Variants in MCM7 observed in about 807,000 individuals in gnomAD.
MCM7 encodes the protein minichromosome maintenance complex component 7.
In MCM7, 95 loss-of-function variants were observed where a neutral mutation model predicts 83.5. The ratio of observed to expected loss-of-function variants is 1.14; its 90% CI spans 0.96 to 1.35. MCM7 has a LOEUF of 1.35. Among genes scored for constraint, MCM7 ranks in the 40% most tolerant of loss-of-function variants. The pLI is 0.00. For missense variants in MCM7, 1,087 were observed against 957.4 expected, an observed-to-expected ratio of 1.14 and a Z score of -1.79; for synonymous variants, 461 against 352.7, an observed-to-expected ratio of 1.31 and a Z score of -3.44.
intron 11 of MCM7, 106 bp downstream of exon 11, chr7:100,095,668 G>T (rs899386697): frequency 1.4e-6 from 2 of 1,443,590 alleles, no homozygotes; most frequent in Admixed American, 2.2e-5. Context: ...CAAAGGGGAG[G>T]CTCTGGGGTT....
At position 100,099,317 on chromosome 7, in the gene MCM7, G is replaced by T; in HGVS notation, c.363C>A (p.Ser121Arg). 6.2e-7 allele frequency: 1 copy of T among 1,613,652 alleles called. No individual in the cohort carries two copies. The highest frequency in any genetic ancestry group is 8.5e-7 in the Non-Finnish European group (1 of 1,179,966). ...GTTCAGCAGGGTACTGGTTCTGGGGGCTTCGGACCATCCCAGGGTCCCGAC... is the reference window on the plus strand; with the variant it reads ...GTTCAGCAGGGTACTGGTTCTGGGGTCTTCGGACCATCCCAGGGTCCCGAC... ...QRSRDPGMVR[S>R]PQNQYPAELM... Residue 121 changes from serine to arginine, a missense_variant, in exon 4 of 15, where the codon AGC (serine) becomes AGA (arginine). Physicochemically the swap from Ser to Arg is moderately radical, Grantham distance 110. Coordinates refer to ENST00000303887, the MANE Select transcript of MCM7 (RefSeq NM_005916.5).
At chr7:100,100,220 T>C in intron 1 of MCM7, 127 bp from the exon 2 acceptor site, 1 of 1,446,614 alleles carries the variant, frequency 6.9e-7, no homozygotes, top group Middle Eastern at 2.5e-4. Flanking sequence ...TACCGAAGTC[T>C]CCCCAAAGTG....
At chr7:100,093,593 C>T (rs760459313) in intron 13 of MCM7, 192 bp from the exon 14 acceptor site, 1 of 773,266 alleles carries the variant, frequency 1.3e-6, no homozygotes. Flanking sequence ...AAGTGCAATG[C>T]CCAGGGCAGC....
rs1795770674 is a variant in MCM7 at position 100,098,634 on chromosome 7, G to A, written c.664C>T (p.Leu222=). ...ATGAATCTGGAGCCCCGTGTCTGCA[G>A]ATACAGCCGCCCTCCTGAGCGGTTG... The part of the protein sequence containing the change: ...QTNRSGGRLY[L]QTRGSRFIKF... Residue 222 remains leucine, a synonymous_variant, in exon 6 of 15, where the codon CTG becomes TTG. Coordinates refer to ENST00000303887, the MANE Select transcript of MCM7 (RefSeq NM_005916.5). The A allele has an allele frequency of 6.2e-7, 1 of 1,614,040 alleles. No homozygotes were observed. Among genetic ancestry groups the A allele is most frequent in the African/African-American group, 1.3e-5 (1 of 74,890 alleles).
At chr7:100,098,819 G>A (rs1795780149) in intron 5 of MCM7, 104 bp from the exon 6 acceptor site, 2 of 1,491,368 alleles carry the variant, frequency 1.3e-6, no homozygotes, top group Non-Finnish European at 1.8e-6. Flanking sequence ...CATCTTGTAA[G>A]TGTCAAGAAC....
Position 100,095,487 on chromosome 7 carries a change from T to A in MCM7, c.1596-17A>T, listed in dbSNP as rs1236073380. On this transcript the variant is annotated splice_polypyrimidine_tract_variant and intron_variant, in intron 11 of 14. Transcript: ENST00000303887. ...TGGGCCAACCTGGACAGAGGGAAGG[T>A]TAGAAGGAACACCCTTTTTAGGGCT... The A allele has an allele frequency of 6.2e-7, 1 of 1,612,338 alleles. No individual in the cohort carries two copies. The highest frequency in any genetic ancestry group is 1.7e-5 in the Admixed American group (1 of 59,894).
chr7:100,093,859 A>G (rs769637008), intron 13 of MCM7: 5 of 642,450 alleles, frequency 7.8e-6, no homozygotes, highest in Middle Eastern at 2.6e-4. Context: ...ACTGAGGTCC[A>G]AGACGGGAGG....
chr7:100,097,617 G>A lies in MCM7; in HGVS notation c.1114C>T (p.Arg372Trp), dbSNP rs1332080071. 4 of 1,613,454 alleles carry A rather than the reference G, an allele frequency of 2.5e-6. No individual in the cohort carries two copies. Among genetic ancestry groups the A allele is most frequent in the Non-Finnish European group, 3.4e-6 (4 of 1,180,012 alleles). ...VDQSPRGMKI[R>W]GNINICLMGD... is the part of the protein sequence containing the mutation. Reference sequence around the variant, plus strand: ...CCTCTCCCTTGTTTCTTCTTACCCCGGATTTTCATGCCTCGAGGAGACTGG... The same window carrying A: ...CCTCTCCCTTGTTTCTTCTTACCCCAGATTTTCATGCCTCGAGGAGACTGG... Residue 372 changes from arginine (R) to tryptophan (W), a missense_variant, in exon 9 of 15, where the codon CGG (arginine) becomes TGG (tryptophan). Arg to Trp is a moderately radical substitution (Grantham distance 101). Transcript: ENST00000303887.
In MCM7 at chr7:100,099,106, C is replaced by T. The variant is rs774362954; in HGVS notation, c.499G>A (p.Val167Ile). The T allele has an allele frequency of 3.1e-6, 5 of 1,613,978 alleles. No individual in the cohort carries two copies. Among genetic ancestry groups the T allele is most frequent in the East Asian group, 2.2e-5 (1 of 44,892 alleles). ...GGTTTGACTTCAGAGACACGAGTGA[C>T]GATTCCACGCACAGTTACCAACTTC... ...VGKLVTVRGI[V>I]TRVSEVKPKM... Residue 167 changes from valine to isoleucine, a missense_variant, in exon 5 of 15, where the codon GTC becomes ATC. Coordinates refer to ENST00000303887, the MANE Select transcript of MCM7 (RefSeq NM_005916.5).
intron 1 of MCM7, chr7:100,100,663 C>T (rs1431722397): frequency 4.0e-6 from 4 of 990,218 alleles, no homozygotes; most frequent in East Asian, 1.1e-4. Flanking sequence ...CCGCCTTTCC[C>T]GGGCCCGAGC....
chr7:100,100,798 C>A, intron 1 of MCM7: 1 of 995,678 alleles, frequency 1.0e-6, no homozygotes, highest in Non-Finnish European at 1.2e-6. Flanking sequence ...GGCTCCACTT[C>A]CGCTCGGAGG....
chr7:100,096,271 T>C, intron 10 of MCM7, 104 bp from the exon 11 acceptor site: 1 of 1,124,104 alleles, frequency 8.9e-7, no homozygotes, highest in South Asian at 1.7e-5. Context: ...CTGGGATCAT[T>C]CCACTCCCTC....
Position 100,095,383 on chromosome 7 carries a change from C to A in MCM7, c.1679+4G>T. ...GTTTGCCCACCCGCACCCAGCTCTC[C>A]TACCTCATGAGCTTCATGTCCAGAG... is the stretch of plus-strand genomic sequence containing the variant. On this transcript the variant is annotated splice_donor_region_variant and intron_variant, in intron 12 of 14. Coordinates refer to ENST00000303887, the MANE Select transcript of MCM7 (RefSeq NM_005916.5). The A allele has an allele frequency of 6.2e-7, 1 of 1,611,924 alleles. No homozygotes were observed. The highest frequency in any genetic ancestry group is 1.1e-5 in the South Asian group (1 of 90,416).
intron 5 of MCM7, 127 bp downstream of exon 5, chr7:100,098,896 A>G: frequency 7.1e-7 from 1 of 1,405,502 alleles, no homozygotes; most frequent in Non-Finnish European, 9.7e-7. Flanking sequence ...CTACATACCC[A>G]AGAATGAAAG....
In MCM7 at chr7:100,097,940, G is replaced by A. The variant is rs1019132556; in HGVS notation, c.879C>T (p.Leu293=). ...GATGGGCTTCCAGGTAGGTTTCTGA[G>A]AGTAAACCCTTGGGCAGGAAAATGC... ...TGFRQVVQGL[L]SETYLEAHRI... The change falls in exon 8 of 15, where the codon CTC becomes CTT. Residue 293 remains leucine, a synonymous_variant. Transcript: ENST00000303887. 2.5e-6 allele frequency: 4 copies of A among 1,614,016 alleles called. No homozygotes were observed. The Admixed American group carries it at 5.0e-5, about 20-fold the overall frequency.
rs566696395 is a variant in MCM7, at chr7:100,093,377, C to T, written c.1873G>A (p.Val625Met). 3 of 1,614,158 alleles carry T rather than the reference C, an allele frequency of 1.9e-6. No homozygotes were observed. Among genetic ancestry groups the T allele is most frequent in the East Asian group, 4.5e-5 (2 of 44,894 alleles). The change falls in exon 14 of 15, where the codon GTG (valine) becomes ATG (methionine). Residue 625 changes from valine (V) to methionine (M), a missense_variant. By Grantham distance (21) the Val-to-Met change is conservative. Transcript: ENST00000303887. Reference protein sequence around the residue: ...ALARLRMVDVVEKEDVNEAIR... With the variant: ...ALARLRMVDVMEKEDVNEAIR... ...GCTTCATTCACATCTTCTTTCTCCA[C>T]CACATCCACCATTCTCAGACGTGCC... is the stretch of plus-strand genomic sequence containing the variant.
intron 13 of MCM7, chr7:100,093,674 G>C (rs778673937): frequency 5.6e-6 from 4 of 717,302 alleles, no homozygotes; most frequent in African/African-American, 5.2e-5. Flanking sequence ...CTGTGAGGGA[G>C]ACCAGACCCT....
chr7:100,099,517 G>A (rs996879856), intron 3 of MCM7, 72 bp downstream of exon 3: 2 of 1,588,678 alleles, frequency 1.3e-6, no homozygotes, highest in Admixed American at 1.8e-5. Flanking sequence ...GAAAACATCA[G>A]TATCTGAGCA....
At position 100,097,654 on chromosome 7, in the gene MCM7, G is replaced by T. The variant is rs146058965; in HGVS notation, c.1077C>A (p.Val359=). ...CTCGAGGAGACTGGTCCACACCCCC[G>T]ACTAGCAGGAGCAGCAGTGCCTTCT... ...DVKKALLLLL[V]GGVDQSPRGM... The change falls in exon 9 of 15, where the codon GTC becomes GTA. Residue 359 remains valine (V), a synonymous_variant. Coordinates refer to ENST00000303887, the MANE Select transcript of MCM7 (RefSeq NM_005916.5). 1.2e-6 allele frequency: 2 copies of T among 1,614,108 alleles called. No individual in the cohort carries two copies. The highest frequency in any genetic ancestry group is 1.7e-6 in the Non-Finnish European group (2 of 1,180,044).
Sources: gnomAD v4.1 joint callset for allele counts on GRCh38, gnomAD v4.1.1 for gene constraint, MANE v1.5 for transcripts, NCBI Gene and HGNC (gene_info 2026-07-23, HGNC 2026-07-21) for gene names.